PRKG2: variants seen among roughly 807,000 people sequenced by gnomAD.
The protein encoded by PRKG2 is cGMP-dependent protein kinase 2.
In PRKG2, 33 loss-of-function variants were observed where a neutral mutation model predicts 97.2. That is an observed-to-expected ratio of 0.34 (90% CI 0.26 to 0.45). The LOEUF is 0.45. PRKG2 is among the 20% of genes least tolerant of loss of function. PRKG2 has a pLI of 1.00. For synonymous variants in PRKG2, 330 were observed against 321.8 expected (o/e 1.03, Z -0.27); for missense variants, 638 against 900.0 (o/e 0.71, Z 3.73).
intron 6 of PRKG2, among the ~76,000 whole-genome samples, chr4:81,165,765 C>G (rs1459577466): frequency 6.6e-6 from 1 of 152,020 alleles, no homozygotes; most frequent in Non-Finnish European, 1.5e-5. Flanking sequence ...TTTGAGCCCC[C>G]ATCTATATAT....
chr4:81,212,049 CAG>C (rs1432982675), intron 1 of PRKG2, among the ~76,000 whole-genome samples: 1 of 152,152 alleles, frequency 6.6e-6, no homozygotes. Context: ...GCAAACCACA[CAG>C]AGTTGTTGTC....
rs5859761 is a variant in PRKG2, at chr4:81,163,863, TACACACACAC to T, written c.912+3288_912+3297del. On this transcript the variant is annotated intron_variant, in intron 6 of 18. Coordinates refer to ENST00000264399, the MANE Select transcript of PRKG2 (RefSeq NM_006259.3). ...TGATGATATACAACCAGATGTATAGTACACACACACACACACACACACACACACACACACA... is the reference window on the plus strand; with the variant it reads ...TGATGATATACAACCAGATGTATAGTACACACACACACACACACACACACA... Among the ~76,000 whole-genome samples, 1,416 of 144,754 alleles carry T rather than the reference TACACACACAC, an allele frequency of 9.8e-3. 26 individuals carry two copies. The highest frequency in any genetic ancestry group is 0.032 in the African/African-American group (1,301 of 40,442). 95.0% of individuals were successfully genotyped at this position (144,754 alleles called of 152,430 possible).
intron 5 of PRKG2, among the ~76,000 whole-genome samples, chr4:81,168,816 C>A (rs540640380): frequency 6.6e-6 from 1 of 152,086 alleles, no homozygotes; most frequent in Admixed American, 6.6e-5. Flanking sequence ...GCCCTAAAAT[C>A]ATTAGCTTTG....
intron 8 of PRKG2, among the ~76,000 whole-genome samples, chr4:81,150,346 T>C (rs1748262228): frequency 6.6e-6 from 1 of 152,142 alleles, no homozygotes; most frequent in Non-Finnish European, 1.5e-5. Context: ...GTAAGTGCCA[T>C]AGATTTATTT....
At chr4:81,195,778 C>T (rs1752921848) in intron 2 of PRKG2, among the ~76,000 whole-genome samples, 1 of 152,168 alleles carries the variant, frequency 6.6e-6, no homozygotes, top group Non-Finnish European at 1.5e-5. Flanking sequence ...TGTTGACGGA[C>T]ACGGGGTTGT....
intron 17 of PRKG2, among the ~76,000 whole-genome samples, chr4:81,098,365 C>T (rs922125729): frequency 6.6e-6 from 1 of 152,066 alleles, no homozygotes; most frequent in Non-Finnish European, 1.5e-5. Flanking sequence ...TAGTTCTATA[C>T]CTCTATAGAA....
chr4:81,087,615 T>G lies in PRKG2; in HGVS notation c.*2093A>C, dbSNP rs537784194. ...TAACTTAATCCCTGAAACAAACCTC[T>G]AAGTAAATATTACTTTACTCTGCCT... On this transcript the variant is annotated 3_prime_UTR_variant, in exon 19 of 19. Coordinates refer to ENST00000264399, the MANE Select transcript of PRKG2 (RefSeq NM_006259.3). 3.3e-5 allele frequency: 5 copies of G among 152,120 alleles called. No individual in the cohort carries two copies. The highest frequency in any genetic ancestry group is 3.3e-4 in the Admixed American group (5 of 15,274). 9.4% of individuals were successfully genotyped at this position (152,120 alleles called of 1,614,324 possible).
intron 14 of PRKG2, among the ~76,000 whole-genome samples, chr4:81,123,463 G>A (rs907768595): frequency 9.9e-5 from 15 of 152,222 alleles, no homozygotes; most frequent in African/African-American, 3.6e-4. Flanking sequence ...GGAGTGCAGT[G>A]GCACGATCTC....
chr4:81,201,817 TAA>T (rs1466196005), intron 2 of PRKG2, among the ~76,000 whole-genome samples: 2 of 152,304 alleles, frequency 1.3e-5, no homozygotes, highest in East Asian at 3.9e-4. Flanking sequence ...TGCTCACTGT[TAA>T]GTGTTCATCA....
chr4:81,174,156 T>A (rs1750723757), intron 3 of PRKG2, among the ~76,000 whole-genome samples: 1 of 152,038 alleles, frequency 6.6e-6, no homozygotes. Flanking sequence ...TTACCACAGA[T>A]GAAGGAAACC....
intron 13 of PRKG2, among the ~76,000 whole-genome samples, chr4:81,136,112 T>C (rs1013690326): frequency 5.9e-5 from 9 of 152,336 alleles, no homozygotes; most frequent in Middle Eastern, 3.4e-3. Context: ...GAAGCAAAGA[T>C]AGAAGACGCT....
intron 2 of PRKG2, among the ~76,000 whole-genome samples, chr4:81,177,299 A>C (rs1206513589): frequency 2.0e-5 from 3 of 152,214 alleles, no homozygotes; most frequent in African/African-American, 7.2e-5. Flanking sequence ...AAGTTTCCAA[A>C]CTTTTATAAC....
chr4:81,150,781 C>T (rs775515001), intron 8 of PRKG2, among the ~76,000 whole-genome samples: 4 of 151,986 alleles, frequency 2.6e-5, no homozygotes, highest in Non-Finnish European at 5.9e-5. Flanking sequence ...GCGTTAAGAA[C>T]AAAGACACTG....
chr4:81,137,423 C>T lies in PRKG2; in HGVS notation c.1604G>A (p.Gly535Asp), dbSNP rs1177307199. The change falls in exon 13 of 19, where the codon GGT becomes GAT. Residue 535 changes from glycine to aspartate, a missense_variant. This residue lies in a region of PRKG2 where 304 missense variants were observed against 460.5 expected (regional missense o/e 0.66). Transcript: ENST00000264399. ...YVYMLLEACL[G>D]GELWSILRDR... ...CCTTAATATACTCCAGAGCTCCCCA[C>T]CTAAGCAGGCCTCCAGAAGCATGTA... The T allele has an allele frequency of 1.2e-6, 2 of 1,612,646 alleles. No individual in the cohort carries two copies. The highest frequency in any genetic ancestry group is 1.7e-6 in the Non-Finnish European group (2 of 1,178,752).
chr4:81,157,710 C>A (rs2110067778), intron 6 of PRKG2, among the ~76,000 whole-genome samples: 1 of 152,084 alleles, frequency 6.6e-6, no homozygotes, highest in East Asian at 1.9e-4. Flanking sequence ...AATCCAGCAG[C>A]ACATCAAAAA....
At position 81,179,217 on chromosome 4, in the gene PRKG2, C is replaced by T. The variant is rs564649901; in HGVS notation, c.462-4258G>A. 1.1e-4 allele frequency among the ~76,000 whole-genome samples: 17 copies of T among 151,892 alleles called. No individual in the cohort carries two copies. In the East Asian group the frequency reaches 3.3e-3, roughly 29 times the overall value. ...CAGACAAGATGCATTATAAACTCTGCATAAAATAAATACAAAGAAAACCAT... is the reference window on the plus strand; with the variant it reads ...CAGACAAGATGCATTATAAACTCTGTATAAAATAAATACAAAGAAAACCAT... On this transcript the variant is annotated intron_variant, in intron 2 of 18. Coordinates refer to ENST00000264399, the MANE Select transcript of PRKG2 (RefSeq NM_006259.3).
In PRKG2 at chr4:81,116,352, G is replaced by A. The variant is rs149082084; in HGVS notation, c.1777-5741C>T. Among the ~76,000 whole-genome samples the A allele has an allele frequency of 5.3e-3, 808 of 152,146 alleles. 6 individuals carry two copies. The highest frequency in any genetic ancestry group is 0.018 in the African/African-American group (752 of 41,516). On this transcript the variant is annotated intron_variant, in intron 14 of 18. Coordinates refer to ENST00000264399, the MANE Select transcript of PRKG2 (RefSeq NM_006259.3). ...CCTCCAGCTCCAACCATGTTGCTGC[G>A]AAGTACATGATTTCATTACTTTTTA...
At chr4:81,167,888 A>G (rs1001558125) in intron 5 of PRKG2, among the ~76,000 whole-genome samples, 1 of 152,020 alleles carries the variant, frequency 6.6e-6, no homozygotes. Flanking sequence ...TGGAAAGAAC[A>G]TGGGGAAATA....
At chr4:81,105,768 T>C (rs762644943) in intron 16 of PRKG2, 45 bp downstream of exon 16, 2 of 1,605,022 alleles carry the variant, frequency 1.2e-6, no homozygotes, top group Non-Finnish European at 1.7e-6. Flanking sequence ...AACCGAAGCC[T>C]TTAGACTTTC....
Sources: allele counts gnomAD v4.1 joint callset (sites outside exome capture counted in the v4.1 genomes callset), GRCh38; gene constraint gnomAD v4.1.1; regional missense constraint gnomAD v4.1.1; transcripts MANE v1.5; gene names NCBI Gene and HGNC (gene_info 2026-07-23, HGNC 2026-07-21).